Variants in ZNF716 observed in about 807,000 individuals in gnomAD.
ZNF716 encodes zinc finger protein 716.
Under a neutral mutation model 13.4 loss-of-function variants are expected in ZNF716, and 9 were observed. That is an observed-to-expected ratio of 0.67 (90% CI 0.41 to 1.18). ZNF716 has a LOEUF of 1.18. ZNF716 is among the 50% of genes most tolerant of loss of function. The pLI is 0.01. For missense variants in ZNF716, 581 were observed against 576.6 expected (o/e 1.01, Z -0.08); for synonymous variants, 186 against 195.2 (o/e 0.95, Z 0.39).
chr7:57,459,849 T>G (rs1789675512), intron 1 of ZNF716, among the ~76,000 whole-genome samples: 1 of 152,142 alleles, frequency 6.6e-6, no homozygotes, highest in Non-Finnish European at 1.5e-5. Flanking sequence ...CTTGTTCTTC[T>G]CTCATTGCTC....
rs781887105 is a variant in ZNF716, at chr7:57,468,820, A to G, written c.359A>G (p.Gln120Arg). The G allele has an allele frequency of 1.2e-6, 2 of 1,613,838 alleles. No homozygotes were observed. The highest frequency in any genetic ancestry group is 1.1e-5 in the South Asian group (1 of 91,076). Residue 120 changes from glutamine to arginine, a missense_variant, in exon 4 of 4, where the codon CAG becomes CGG. Gln to Arg is a conservative substitution (Grantham distance 43, BLOSUM62 1). Coordinates refer to ENST00000420713, the MANE Select transcript of ZNF716 (RefSeq NM_001159279.1). ...VILRRYGKCG[Q>R]EDLQVKKCCK... ...CTGAGAAGATATGGAAAATGTGGACAGGAGGATTTACAAGTAAAAAAATGC... is the reference window on the plus strand; with the variant it reads ...CTGAGAAGATATGGAAAATGTGGACGGGAGGATTTACAAGTAAAAAAATGC...
At chr7:57,462,624 C>T in intron 2 of ZNF716, 38 bp downstream of exon 2, 3 of 1,551,848 alleles carry the variant, frequency 1.9e-6, no homozygotes, top group Non-Finnish European at 2.6e-6. Flanking sequence ...TAATATATTG[C>T]CTTTCTCTCT....
rs1182355049 is a variant in ZNF716 at position 57,469,237 on chromosome 7, A to G, written c.776A>G (p.His259Arg). The change falls in exon 4 of 4, where the codon CAT (histidine) becomes CGT (arginine). Residue 259 changes from histidine (H) to arginine (R), a missense_variant. His to Arg is a conservative substitution (Grantham distance 29). Transcript: ENST00000420713. The stretch of plus-strand genomic sequence containing the variant: ...AGCTGGTCTGCATCCCTTACTAAAC[A>G]TAAGAGAATTCATACTGGAGAGAAA... ...AFSWSASLTK[H>R]KRIHTGEKPY... 4 of 1,612,630 alleles carry G rather than the reference A, an allele frequency of 2.5e-6. No homozygotes were observed. The Admixed American group carries it at 6.7e-5, about 27-fold the overall frequency.
At chr7:57,468,582 C>T (rs1490602758) in intron 3 of ZNF716, 142 bp from the exon 4 acceptor site, 3 of 823,860 alleles carry the variant, frequency 3.6e-6, no homozygotes, top group East Asian at 3.0e-5. Context: ...TACATTTATA[C>T]ATCTATGAAG....
chr7:57,467,898 A>C (rs1386743633), intron 3 of ZNF716, among the ~76,000 whole-genome samples: 1 of 151,916 alleles, frequency 6.6e-6, no homozygotes, highest in African/African-American at 2.4e-5. Flanking sequence ...TAATATATAA[A>C]TCTTTAGCTT....
intron 3 of ZNF716, 113 bp from the exon 4 acceptor site, chr7:57,468,611 T>A: frequency 9.1e-7 from 1 of 1,101,980 alleles, no homozygotes. Context: ...GCTTGTGGTA[T>A]TTTGATATGC....
At chr7:57,454,465 T>A (rs1789551117) in intron 1 of ZNF716, among the ~76,000 whole-genome samples, 1 of 152,170 alleles carries the variant, frequency 6.6e-6, no homozygotes, top group Non-Finnish European at 1.5e-5. Flanking sequence ...ATATGGAGCC[T>A]GCAAAAGGAG....
rs530116209 is a variant in ZNF716, at chr7:57,450,294, T to G, written c.6T>G (p.Ala2=). 1.2e-6 allele frequency: 2 copies of G among 1,613,960 alleles called. No individual in the cohort carries two copies. The highest frequency in any genetic ancestry group is 2.2e-5 in the East Asian group (1 of 44,854). The change falls in exon 1 of 4, where the codon GCT becomes GCG. Residue 2 remains alanine (A), a synonymous_variant. Coordinates refer to ENST00000420713, the MANE Select transcript of ZNF716 (RefSeq NM_001159279.1). ...CTGCAAGTATTCGCAGATTTATGGCTAAAAGACCGGGACCCCCTGGAAGCC... is the reference window on the plus strand; with the variant it reads ...CTGCAAGTATTCGCAGATTTATGGCGAAAAGACCGGGACCCCCTGGAAGCC... The part of the protein sequence containing the change: M[A]KRPGPPGSRE...
chr7:57,463,032 T>G, intron 2 of ZNF716, 41 bp from the exon 3 acceptor site: 1 of 1,599,356 alleles, frequency 6.3e-7, no homozygotes, highest in Non-Finnish European at 8.5e-7. Context: ...ATTAAAGAAT[T>G]CAGCCAGATT....
rs782646439 is a variant in ZNF716 at position 57,450,285 on chromosome 7, A to G, written c.-4A>G. 2.5e-6 allele frequency: 4 copies of G among 1,613,980 alleles called. No homozygotes were observed. In the Admixed American group the frequency reaches 6.7e-5, roughly 27 times the overall value. ...CCTTGTGTCCTGCAAGTATTCGCAG[A>G]TTTATGGCTAAAAGACCGGGACCCC... On this transcript the variant is annotated 5_prime_UTR_variant, in exon 1 of 4. Coordinates refer to ENST00000420713, the MANE Select transcript of ZNF716 (RefSeq NM_001159279.1).
intron 1 of ZNF716, among the ~76,000 whole-genome samples, chr7:57,461,637 T>C (rs1446049305): frequency 2.6e-5 from 4 of 152,134 alleles, no homozygotes; most frequent in Non-Finnish European, 4.4e-5. Flanking sequence ...GACTCTGCCA[T>C]TTACTAGATG....
intron 1 of ZNF716, among the ~76,000 whole-genome samples, chr7:57,461,776 A>T (rs782096426): frequency 5.3e-5 from 8 of 152,194 alleles, no homozygotes; most frequent in African/African-American, 7.2e-5. Context: ...ACATATTAAG[A>T]CTTAAGAGGA....
In ZNF716 at chr7:57,468,725, T is replaced by G. The variant is rs782455146; in HGVS notation, c.264T>G (p.Val88=). The change falls in exon 4 of 4, where the codon GTT becomes GTG. Residue 88 remains valine (V), a splice_region_variant and synonymous_variant. Coordinates refer to ENST00000420713, the MANE Select transcript of ZNF716 (RefSeq NM_001159279.1). ...KRNEMVAKHP[V]TCSHFTQDLQ... ...ACTTGTGATTTTTATGTCTTTCAGT[T>G]ACATGTTCTCATTTCACCCAAGACC... 1 of 1,600,830 alleles carries G rather than the reference T, an allele frequency of 6.2e-7. No homozygotes were observed. Among genetic ancestry groups the G allele is most frequent in the Non-Finnish European group, 8.5e-7 (1 of 1,176,558 alleles).
intron 1 of ZNF716, among the ~76,000 whole-genome samples, chr7:57,457,897 A>C (rs2094459042): frequency 6.6e-6 from 1 of 152,156 alleles, no homozygotes. Flanking sequence ...TATAAGTGAC[A>C]ACATACAGTA....
intron 3 of ZNF716, among the ~76,000 whole-genome samples, chr7:57,467,526 A>G (rs1203503040): frequency 1.5e-5 from 2 of 131,092 alleles, no homozygotes; most frequent in Admixed American, 1.6e-4. Context: ...CAGCACTTTG[A>G]CCATTTTGCA....
At position 57,471,217 on chromosome 7, in the gene ZNF716, C is replaced by T. The variant is rs1331969489; in HGVS notation, c.*1268C>T. On this transcript the variant is annotated 3_prime_UTR_variant, in exon 4 of 4. Coordinates refer to ENST00000420713, the MANE Select transcript of ZNF716 (RefSeq NM_001159279.1). ...GGATCATGAGGTCAGGAGTTCAAGA[C>T]CAGCCTGGCTAACATGGTGAATCCC... The T allele has an allele frequency of 1.3e-5, 2 of 152,070 alleles. No homozygotes were observed. The highest frequency in any genetic ancestry group is 4.8e-5 in the African/African-American group (2 of 41,400). The allele number at this position is 152,070 out of a possible 1,614,324, so 9.4% of individuals were successfully genotyped here. A position where few individuals can be genotyped will look rare whatever the true frequency, so the allele number is the denominator to read the frequency against.
At chr7:57,458,844 G>T (rs1324060864) in intron 1 of ZNF716, among the ~76,000 whole-genome samples, 2 of 152,076 alleles carry the variant, frequency 1.3e-5, no homozygotes, top group Non-Finnish European at 2.9e-5. Flanking sequence ...AAGTTGATTT[G>T]CTCTTTTTGA....
Position 57,468,898 on chromosome 7 carries a change from A to G in ZNF716, c.437A>G (p.Asn146Ser). ...EVHKGGYNYV[N>S]QCLSATQNKT... Reference sequence around the variant, plus strand: ...CACAAAGGAGGTTATAATTATGTTAACCAATGTTTGTCAGCTACCCAAAAC... The same window carrying G: ...CACAAAGGAGGTTATAATTATGTTAGCCAATGTTTGTCAGCTACCCAAAAC... Residue 146 changes from asparagine to serine, a missense_variant, in exon 4 of 4, where the codon AAC becomes AGC. By Grantham distance (46) the Asn-to-Ser change is conservative. Transcript: ENST00000420713. 1 of 1,611,410 alleles carries G rather than the reference A, an allele frequency of 6.2e-7. No homozygotes were observed. The highest frequency in any genetic ancestry group is 1.7e-4 in the Middle Eastern group (1 of 6,056).
intron 3 of ZNF716, among the ~76,000 whole-genome samples, chr7:57,463,499 C>G (rs1444816790): frequency 1.3e-5 from 2 of 152,094 alleles, no homozygotes; most frequent in Non-Finnish European, 2.9e-5. Flanking sequence ...TTGAGAAACT[C>G]TATGTGAAAC....
Sources: allele counts gnomAD v4.1 joint callset (sites outside exome capture counted in the v4.1 genomes callset), GRCh38; gene constraint gnomAD v4.1.1; transcripts MANE v1.5; gene names NCBI Gene and HGNC (gene_info 2026-07-23, HGNC 2026-07-21).